TAFA1: variants seen among roughly 807,000 people sequenced by gnomAD.
TAFA1 encodes chemokine-like protein TAFA-1.
Under a neutral mutation model 18.5 loss-of-function variants are expected in TAFA1, and 4 were observed. The ratio of observed to expected loss-of-function variants is 0.22; its 90% CI spans 0.11 to 0.49. The LOEUF (loss-of-function observed/expected upper bound fraction) is 0.49, where lower values mean the gene tolerates loss of function less well. Among genes scored for constraint, TAFA1 ranks in the 20% least tolerant of loss-of-function variants. TAFA1 has a pLI of 0.98. For synonymous variants in TAFA1, 56 were observed against 55.2 expected (o/e 1.01, Z -0.06); for missense variants, 147 against 169.0 (o/e 0.87, Z 0.72).
chr3:68,352,023 G>A lies in TAFA1; in HGVS notation c.119-65257G>A, dbSNP rs573670393. Among the ~76,000 whole-genome samples, 7 of 152,050 alleles carry A rather than the reference G, an allele frequency of 4.6e-5. 1 individual carries two copies. In the South Asian group the frequency reaches 1.5e-3, roughly 32 times the overall value. On this transcript the variant is annotated intron_variant, in intron 2 of 4. Coordinates refer to ENST00000478136, the MANE Select transcript of TAFA1 (RefSeq NM_213609.4). ...AAAGCAGTGTGGAATGCTCTATTAA[G>A]AGCATTAAGGAATAGAGATGTATAA...
intron 2 of TAFA1, among the ~76,000 whole-genome samples, chr3:68,353,524 G>A (rs2036810): frequency 0.11 from 16,775 of 152,026 alleles, 1,235 homozygotes; most frequent in Non-Finnish European, 0.15. Context: ...TTCTGAGCTA[G>A]GTTTGTGGAC....
intron 2 of TAFA1, among the ~76,000 whole-genome samples, chr3:68,335,250 C>T (rs186278990): frequency 3.6e-4 from 55 of 152,246 alleles, no homozygotes; most frequent in Admixed American, 1.6e-3. Flanking sequence ...TTATCACCAA[C>T]GCTTTTATTT....
chr3:68,359,322 C>T (rs146079259), intron 2 of TAFA1, among the ~76,000 whole-genome samples: 1 of 152,034 alleles, frequency 6.6e-6, no homozygotes, highest in East Asian at 1.9e-4. Context: ...CCCCACAATC[C>T]CTAGCACCTA....
intron 3 of TAFA1, among the ~76,000 whole-genome samples, chr3:68,491,140 C>T (rs2072445142): frequency 6.6e-6 from 1 of 152,128 alleles, no homozygotes; most frequent in African/African-American, 2.4e-5. Flanking sequence ...CAGCTGGCCT[C>T]CTCCACAATT....
At chr3:67,995,921 G>A in the TAFA1 span, among the ~76,000 whole-genome samples, 2 of 152,172 alleles carry the variant, frequency 1.3e-5, no homozygotes, top group African/African-American at 4.8e-5. Flanking sequence ...ATGAATAAAT[G>A]AGAAGTGACT....
At chr3:68,268,363 A>C (rs544707944) in intron 2 of TAFA1, among the ~76,000 whole-genome samples, 28 of 152,290 alleles carry the variant, frequency 1.8e-4, no homozygotes, top group Non-Finnish European at 3.1e-4. Context: ...TAGCAGATTC[A>C]AACAGGAGAC....
chr3:68,052,227 T>C (rs2064479446), intron 2 of TAFA1, among the ~76,000 whole-genome samples: 1 of 152,160 alleles, frequency 6.6e-6, no homozygotes, highest in African/African-American at 2.4e-5. Flanking sequence ...CTTTCTCTTA[T>C]TTTCTAAGTA....
intron 3 of TAFA1, among the ~76,000 whole-genome samples, chr3:68,463,211 G>T (rs1015829002): frequency 6.6e-6 from 1 of 152,156 alleles, no homozygotes; most frequent in Non-Finnish European, 1.5e-5. Context: ...TAAATTAACA[G>T]CAGCAGAACA....
At chr3:68,222,670 TTTATTTTTA>T (rs1217615433) in intron 2 of TAFA1, among the ~76,000 whole-genome samples, 4 of 152,026 alleles carry the variant, frequency 2.6e-5, no homozygotes, top group Non-Finnish European at 5.9e-5. Flanking sequence ...GAGTATTGTT[TTTATTTTTA>T]TTATTTTTAT....
chr3:68,105,042 T>C (rs1307085675), intron 2 of TAFA1, among the ~76,000 whole-genome samples: 1 of 152,104 alleles, frequency 6.6e-6, no homozygotes, highest in Non-Finnish European at 1.5e-5. Context: ...AGATCTGATG[T>C]ATCATATGGT....
chr3:68,350,442 A>G (rs1020004958), intron 2 of TAFA1, among the ~76,000 whole-genome samples: 3 of 152,164 alleles, frequency 2.0e-5, no homozygotes, highest in African/African-American at 7.2e-5. Flanking sequence ...CAGTAGAATC[A>G]TGAGGGATGG....
chr3:68,240,000 A>G (rs1224095285), intron 2 of TAFA1, among the ~76,000 whole-genome samples: 1 of 152,204 alleles, frequency 6.6e-6, no homozygotes, highest in African/African-American at 2.4e-5. Flanking sequence ...TTTGTAAAAT[A>G]GGTGGTTTTA....
intron 2 of TAFA1, among the ~76,000 whole-genome samples, chr3:68,238,117 C>T (rs185438638): frequency 4.6e-5 from 7 of 152,102 alleles, no homozygotes; most frequent in Admixed American, 2.0e-4. Context: ...TGGTAATGTT[C>T]GCTTCAGTTG....
chr3:68,332,390 AT>A (rs1267239851), intron 2 of TAFA1, among the ~76,000 whole-genome samples: 1 of 152,118 alleles, frequency 6.6e-6, no homozygotes, highest in Non-Finnish European at 1.5e-5. Flanking sequence ...AGGCAAAAAA[AT>A]AAAAAGCAAA....
At chr3:68,015,027 G>C (rs1400368487) in intron 2 of TAFA1, among the ~76,000 whole-genome samples, 2 of 152,006 alleles carry the variant, frequency 1.3e-5, no homozygotes, top group African/African-American at 4.8e-5. Flanking sequence ...CTTTATGCAA[G>C]CAGAGTAGAG....
At chr3:68,402,442 CA>C (rs1325039003) in intron 2 of TAFA1, among the ~76,000 whole-genome samples, 1 of 152,144 alleles carries the variant, frequency 6.6e-6, no homozygotes, top group Non-Finnish European at 1.5e-5. Context: ...CAGTCTCTTT[CA>C]ATGTCTGTGG....
Position 68,339,944 on chromosome 3 carries a change from C to G in TAFA1, c.119-77336C>G, listed in dbSNP as rs1211017686. ...CACAAAATGCAGCTATGAGACAGCT[C>G]CCACAACCATCTTCTGATACGAATA... On this transcript the variant is annotated intron_variant, in intron 2 of 4. Coordinates refer to ENST00000478136, the MANE Select transcript of TAFA1 (RefSeq NM_213609.4). Among the ~76,000 whole-genome samples the G allele has an allele frequency of 3.9e-5, 6 of 152,172 alleles. No individual in the cohort carries two copies. The East Asian group carries it at 1.2e-3, about 29-fold the overall frequency.
chr3:68,438,462 C>A (rs953000692), intron 3 of TAFA1, among the ~76,000 whole-genome samples: 1 of 152,144 alleles, frequency 6.6e-6, no homozygotes, highest in Non-Finnish European at 1.5e-5. Context: ...CAGTCCAACC[C>A]CTGTGGCTTG....
At chr3:68,070,547 T>C (rs1418943702) in intron 2 of TAFA1, among the ~76,000 whole-genome samples, 1 of 152,224 alleles carries the variant, frequency 6.6e-6, no homozygotes, top group Non-Finnish European at 1.5e-5. Context: ...GGATTAACAT[T>C]TGGCTCCTAG....
Sources: gnomAD v4.1 joint callset for allele counts (sites outside exome capture counted in the v4.1 genomes callset) on GRCh38, gnomAD v4.1.1 for gene constraint, MANE v1.5 for transcripts, NCBI Gene and HGNC (gene_info 2026-07-23, HGNC 2026-07-21) for gene names.